PPP1R12A: variants seen among roughly 807,000 people sequenced by gnomAD.
The protein encoded by PPP1R12A is protein phosphatase 1 regulatory subunit 12A.
In PPP1R12A, 19 loss-of-function variants were observed where a neutral mutation model predicts 139.6. The observed-to-expected ratio is 0.14, with a 90% CI of 0.09 to 0.20. The LOEUF (loss-of-function observed/expected upper bound fraction) is 0.20. Among genes scored for constraint, PPP1R12A ranks in the 10% least tolerant of loss-of-function variants. The pLI is 1.00. For missense variants in PPP1R12A, 925 were observed against 1,211.5 expected (o/e 0.76, Z 3.51); for synonymous variants, 427 against 420.6 (o/e 1.02, Z -0.19).
chr12:79,808,169 T>A (rs1487825175), intron 11 of PPP1R12A, among the ~76,000 whole-genome samples: 4 of 152,102 alleles, frequency 2.6e-5, no homozygotes, highest in South Asian at 4.1e-4. Context: ...AATGATTAAG[T>A]AAGGGCTTTC....
intron 1 of PPP1R12A, among the ~76,000 whole-genome samples, chr12:79,932,188 C>A (rs1331893294): frequency 6.6e-6 from 1 of 152,130 alleles, no homozygotes; most frequent in Non-Finnish European, 1.5e-5. Context: ...AAGAACTATT[C>A]AAGGACTATT....
chr12:79,834,494 G>C (rs970306062), intron 3 of PPP1R12A, among the ~76,000 whole-genome samples: 2 of 152,210 alleles, frequency 1.3e-5, no homozygotes, highest in African/African-American at 4.8e-5. Flanking sequence ...GGTGGTAGCA[G>C]TGCAGACAGT....
At position 79,935,057 on chromosome 12, in the gene PPP1R12A, C is replaced by T; in HGVS notation, c.-126G>A. The T allele has an allele frequency of 7.1e-7, 1 of 1,403,104 alleles. No individual in the cohort carries two copies. The allele number at this position is 1,403,104 out of a possible 1,614,324, so 86.9% of individuals were successfully genotyped here. A position where few individuals can be genotyped will look rare whatever the true frequency, so the allele number is the denominator to read the frequency against. On this transcript the variant is annotated 5_prime_UTR_variant, in exon 1 of 25. Coordinates refer to ENST00000450142, the MANE Select transcript of PPP1R12A (RefSeq NM_002480.3). ...GCGGGCCAGAGGAGGGCTGGGAACCCGGAGCCGACGCTCGAGACTTCCAGT... is the reference window on the plus strand; with the variant it reads ...GCGGGCCAGAGGAGGGCTGGGAACCTGGAGCCGACGCTCGAGACTTCCAGT...
At chr12:79,887,956 T>A (rs529310162) in intron 1 of PPP1R12A, among the ~76,000 whole-genome samples, 3 of 152,220 alleles carry the variant, frequency 2.0e-5, no homozygotes, top group African/African-American at 7.2e-5. Context: ...GTTACAGTCT[T>A]CCAAAACAAA....
At chr12:79,874,323 T>G (rs1882891629) in intron 1 of PPP1R12A, among the ~76,000 whole-genome samples, 1 of 151,582 alleles carries the variant, frequency 6.6e-6, no homozygotes, top group South Asian at 2.1e-4. Context: ...TTGCCAATGA[T>G]AAACTTTCAA....
intron 1 of PPP1R12A, among the ~76,000 whole-genome samples, chr12:79,891,156 A>C (rs1351768334): frequency 6.6e-6 from 1 of 152,166 alleles, no homozygotes; most frequent in Non-Finnish European, 1.5e-5. Flanking sequence ...TTATTCAGCT[A>C]TATTCAGATA....
At chr12:79,922,158 A>T (rs1388882093) in intron 1 of PPP1R12A, among the ~76,000 whole-genome samples, 1 of 152,176 alleles carries the variant, frequency 6.6e-6, no homozygotes, top group Non-Finnish European at 1.5e-5. Context: ...GCTACTCAAA[A>T]GGCTGAGGTG....
intron 14 of PPP1R12A, among the ~76,000 whole-genome samples, chr12:79,803,766 C>A (rs1873480862): frequency 6.6e-6 from 1 of 151,980 alleles, no homozygotes; most frequent in South Asian, 2.1e-4. Flanking sequence ...AAAATGTTGC[C>A]ACATTTTTTT....
chr12:79,892,665 G>C (rs776319044), intron 1 of PPP1R12A, among the ~76,000 whole-genome samples: 9 of 152,158 alleles, frequency 5.9e-5, no homozygotes, highest in Non-Finnish European at 1.0e-4. Context: ...TAATAGGGCA[G>C]AAATAAGAAC....
Position 79,891,515 on chromosome 12 carries a change from T to C in PPP1R12A, c.238-18577A>G, listed in dbSNP as rs1884638539. On this transcript the variant is annotated intron_variant, in intron 1 of 24. Transcript: ENST00000450142. ...GAACCAACTGCTAAGTACATGGCAA[T>C]GTAAATTGAAGAATGTAAAATACCA... Among the ~76,000 whole-genome samples, 3 of 152,168 alleles carry C rather than the reference T, an allele frequency of 2.0e-5. No homozygotes were observed. The South Asian group carries it at 6.2e-4, about 32-fold the overall frequency.
At chr12:79,844,834 C>T (rs1879195492) in intron 3 of PPP1R12A, among the ~76,000 whole-genome samples, 1 of 152,162 alleles carries the variant, frequency 6.6e-6, no homozygotes, top group South Asian at 2.1e-4. Flanking sequence ...AGCTGCTTCT[C>T]TGCATATACA....
At chr12:79,822,221 G>T in intron 5 of PPP1R12A, 31 bp from the exon 6 acceptor site, 2 of 1,420,414 alleles carry the variant, frequency 1.4e-6, no homozygotes, top group Non-Finnish European at 9.8e-7. Context: ...GATGGTGATG[G>T]TCAAAAGTCA....
intron 22 of PPP1R12A, among the ~76,000 whole-genome samples, chr12:79,784,617 T>G (rs1047801660): frequency 6.6e-6 from 1 of 152,176 alleles, no homozygotes; most frequent in South Asian, 2.1e-4. Context: ...CAGAACACTA[T>G]AGTAGGGAGC....
chr12:79,776,111 T>C, intron 24 of PPP1R12A, 96 bp from the exon 25 acceptor site: 3 of 750,822 alleles, frequency 4.0e-6, no homozygotes, highest in Non-Finnish European at 6.2e-6. Context: ...ACAAAACACA[T>C]GATCAAGCTT....
chr12:79,832,502 A>T lies in PPP1R12A; in HGVS notation c.488-11T>A. ...CTTCTATATCAACCCCTGATAAAAT[A>T]AAAATAGTTCTTTTTATTTTTGCTT... is the stretch of plus-strand genomic sequence containing the variant. On this transcript the variant is annotated splice_polypyrimidine_tract_variant and intron_variant, in intron 3 of 24. Coordinates refer to ENST00000450142, the MANE Select transcript of PPP1R12A (RefSeq NM_002480.3). 6.4e-7 allele frequency: 1 copy of T among 1,573,370 alleles called. No homozygotes were observed. Among genetic ancestry groups the T allele is most frequent in the Non-Finnish European group, 8.6e-7 (1 of 1,161,858 alleles).
intron 1 of PPP1R12A, among the ~76,000 whole-genome samples, chr12:79,929,681 A>C (rs1262804842): frequency 6.6e-6 from 1 of 152,056 alleles, no homozygotes; most frequent in Non-Finnish European, 1.5e-5. Context: ...TGGCAGGAGA[A>C]TCACTTGAAC....
chr12:79,924,171 A>T (rs1374585896), intron 1 of PPP1R12A, among the ~76,000 whole-genome samples: 1 of 152,218 alleles, frequency 6.6e-6, no homozygotes, highest in African/African-American at 2.4e-5. Flanking sequence ...CACTGAGAAG[A>T]TCAACAATAT....
At position 79,924,398 on chromosome 12, in the gene PPP1R12A, T is replaced by C. The variant is rs1331543965; in HGVS notation, c.237+10297A>G. ...AGAAAAACAATAGTTCTTAATGACA[T>C]AGTGTCATGATCTAGAGCCAGCAGC... On this transcript the variant is annotated intron_variant, in intron 1 of 24. Transcript: ENST00000450142. Among the ~76,000 whole-genome samples the C allele has an allele frequency of 2.0e-5, 3 of 152,288 alleles. No homozygotes were observed. In the East Asian group the frequency reaches 5.8e-4, roughly 29 times the overall value.
chr12:79,922,831 T>C (rs907115931), intron 1 of PPP1R12A, among the ~76,000 whole-genome samples: 2 of 151,900 alleles, frequency 1.3e-5, no homozygotes, highest in Non-Finnish European at 2.9e-5. Flanking sequence ...TGCACATGTA[T>C]ACCAGAACTT....
Sources: allele counts gnomAD v4.1 joint callset (sites outside exome capture counted in the v4.1 genomes callset), GRCh38; gene constraint gnomAD v4.1.1; transcripts MANE v1.5; gene names NCBI Gene and HGNC (gene_info 2026-07-23, HGNC 2026-07-21).